PCDH15: variants seen among roughly 807,000 people sequenced by gnomAD.
PCDH15 encodes protocadherin related 15, also known as protocadherin-15.
In PCDH15, 129 loss-of-function variants were observed where a neutral mutation model predicts 178.5. The observed-to-expected ratio is 0.72, with a 90% CI of 0.63 to 0.84. The LOEUF (loss-of-function observed/expected upper bound fraction) is 0.84, where lower values mean the gene tolerates loss of function less well. PCDH15 is among the 40% of genes least tolerant of loss of function. The pLI is 0.00. For missense variants in PCDH15, 2,230 were observed against 2,099.9 expected (o/e 1.06, Z -1.21); for synonymous variants, 800 against 732.0 (o/e 1.09, Z -1.50).
At chr10:55,309,487 T>G (rs542605662) in intron 1 of PCDH15, among the ~76,000 whole-genome samples, 1 of 150,952 alleles carries the variant, frequency 6.6e-6, no homozygotes, top group Non-Finnish European at 1.5e-5. Context: ...ACTGCACTAC[T>G]CTCATTCTGG....
rs558881571 is a variant in PCDH15 at position 55,310,583 on chromosome 10, C to T, written c.-156+9016G>A. 2.0e-5 allele frequency among the ~76,000 whole-genome samples: 3 copies of T among 152,140 alleles called. No individual in the cohort carries two copies. The South Asian group carries it at 6.2e-4, about 32-fold the overall frequency. On this transcript the variant is annotated intron_variant, in intron 1 of 5. Coordinates refer to the PCDH15 transcript ENST00000458638. ...CATGTGTTAAAAAGTTGAAAATTAA[C>T]CAGTGAATTTGATATGGATAGACTA... is the stretch of plus-strand genomic sequence containing the variant.
intron 3 of PCDH15, among the ~76,000 whole-genome samples, chr10:54,874,824 T>A (rs777563515): frequency 6.6e-6 from 1 of 152,190 alleles, no homozygotes; most frequent in Non-Finnish European, 1.5e-5. Flanking sequence ...TATCAAGTAA[T>A]GTTTTACACT....
chr10:55,407,387 A>G lies in PCDH15; in HGVS notation c.-156+220238T>C, dbSNP rs541563952. 2.0e-5 allele frequency among the ~76,000 whole-genome samples: 3 copies of G among 152,242 alleles called. No homozygotes were observed. In the South Asian group the frequency reaches 6.2e-4, roughly 32 times the overall value. ...AGTTCAAATGGGTAAATACTGCCTG[A>G]TGTCCTTTACATAGAGAGATGGAGA... On this transcript the variant is annotated intron_variant, in intron 2 of 5. Coordinates refer to the PCDH15 transcript ENST00000613346.
intron 21 of PCDH15, among the ~76,000 whole-genome samples, chr10:53,977,573 A>C (rs560556434): frequency 6.6e-6 from 1 of 152,300 alleles, no homozygotes; most frequent in African/African-American, 2.4e-5. Flanking sequence ...ACACAGCCAA[A>C]CCACATCATT....
At chr10:54,291,140 A>C (rs751628059) in intron 8 of PCDH15, among the ~76,000 whole-genome samples, 5 of 152,220 alleles carry the variant, frequency 3.3e-5, no homozygotes, top group African/African-American at 7.2e-5. Context: ...CCACAGTGCA[A>C]TCAAACTAGA....
At chr10:55,281,291 C>T (rs1435791189) in intron 1 of PCDH15, among the ~76,000 whole-genome samples, 1 of 152,050 alleles carries the variant, frequency 6.6e-6, no homozygotes, top group Non-Finnish European at 1.5e-5. Flanking sequence ...TTCTCACTTG[C>T]TCCACTTTAT....
rs554003874 is a variant in PCDH15 at position 54,631,448 on chromosome 10, A to C, written c.91+32724T>G. On this transcript the variant is annotated intron_variant, in intron 2 of 37. Coordinates refer to ENST00000644397, the MANE Select transcript of PCDH15 (RefSeq NM_001384140.1). Reference sequence around the variant, plus strand: ...TGTGGAGAAAAGGGAATGGTTATACACTCTAGGTTTGAATGTAAATTAGTT... The same window carrying C: ...TGTGGAGAAAAGGGAATGGTTATACCCTCTAGGTTTGAATGTAAATTAGTT... Among the ~76,000 whole-genome samples, 5 of 152,196 alleles carry C rather than the reference A, an allele frequency of 3.3e-5. No homozygotes were observed. The South Asian group carries it at 8.3e-4, about 25-fold the overall frequency.
intron 2 of PCDH15, among the ~76,000 whole-genome samples, chr10:55,340,852 A>C (rs1220825222): frequency 6.6e-6 from 1 of 152,080 alleles, no homozygotes; most frequent in South Asian, 2.1e-4. Context: ...TATTGTGCCT[A>C]ATAATTAAAG....
intron 2 of PCDH15, among the ~76,000 whole-genome samples, chr10:54,663,339 A>G (rs940107820): frequency 6.6e-6 from 1 of 151,606 alleles, no homozygotes; most frequent in African/African-American, 2.4e-5. Context: ...AAGAAAAGAA[A>G]GACAGGAAAG....
intron 2 of PCDH15, among the ~76,000 whole-genome samples, chr10:54,545,316 T>A (rs978759453): frequency 6.6e-6 from 1 of 152,222 alleles, no homozygotes; most frequent in Non-Finnish European, 1.5e-5. Context: ...TCACAATTTT[T>A]ATTTTATGCA....
At chr10:54,362,763 TA>T (rs142437985) in intron 5 of PCDH15, among the ~76,000 whole-genome samples, 2,859 of 152,042 alleles carry the variant, frequency 0.019, 108 homozygotes, top group African/African-American at 0.065. Context: ...AAAAGTAGGG[TA>T]AAAAAATCTC....
At chr10:54,856,427 A>G (rs1014381099) in intron 3 of PCDH15, among the ~76,000 whole-genome samples, 1 of 152,206 alleles carries the variant, frequency 6.6e-6, no homozygotes, top group Non-Finnish European at 1.5e-5. Flanking sequence ...GAATGTAATC[A>G]AAGACTTCAT....
At chr10:55,193,427 A>G (rs894677770) in intron 1 of PCDH15, among the ~76,000 whole-genome samples, 8 of 152,004 alleles carry the variant, frequency 5.3e-5, no homozygotes, top group African/African-American at 1.9e-4. Flanking sequence ...ATATGCAATT[A>G]TGTTAAAATT....
intron 2 of PCDH15, among the ~76,000 whole-genome samples, chr10:55,154,756 T>C (rs979395046): frequency 6.6e-6 from 1 of 152,134 alleles, no homozygotes; most frequent in Non-Finnish European, 1.5e-5. Flanking sequence ...AAATCAAGTA[T>C]GCACATTTAA....
chr10:54,863,024 CTTTA>C (rs1286691866), intron 3 of PCDH15, among the ~76,000 whole-genome samples: 4 of 152,072 alleles, frequency 2.6e-5, no homozygotes, highest in South Asian at 2.1e-4. Context: ...AAGTATACCA[CTTTA>C]TTTATTTTCT....
At chr10:54,392,720 G>A in intron 3 of PCDH15, among the ~76,000 whole-genome samples, 1 of 151,524 alleles carries the variant, frequency 6.6e-6, no homozygotes, top group Non-Finnish European at 1.5e-5. Flanking sequence ...CCAACATAGT[G>A]AAACCCTGTC....
At chr10:55,226,678 G>A (rs952156682) in intron 1 of PCDH15, among the ~76,000 whole-genome samples, 8 of 151,926 alleles carry the variant, frequency 5.3e-5, no homozygotes, top group East Asian at 3.9e-4. Context: ...CACTGCGCCC[G>A]GCCAAGAATA....
At chr10:53,823,649 G>A (rs780010229) in intron 32 of PCDH15, 14 of 494,204 alleles carry the variant, frequency 2.8e-5, no homozygotes, top group Non-Finnish European at 4.7e-5. Context: ...TTCAGCTAGT[G>A]TGATACAGCA....
chr10:54,304,233 C>T (rs2060327175), intron 8 of PCDH15, among the ~76,000 whole-genome samples: 1 of 152,018 alleles, frequency 6.6e-6, no homozygotes, highest in African/African-American at 2.4e-5. Context: ...AAGCCAGCTG[C>T]AAGTTGCAAG....
Sources: gnomAD v4.1 joint callset for allele counts (sites outside exome capture counted in the v4.1 genomes callset) on GRCh38, gnomAD v4.1.1 for gene constraint, MANE v1.5 for transcripts, NCBI Gene and HGNC (gene_info 2026-07-23, HGNC 2026-07-21) for gene names.